The following NOVA1 variants were observed in gnomAD, a reference collection of about 807,000 sequenced individuals.
NOVA1 encodes RNA-binding protein Nova-1.
A neutral mutation model predicts 38.0 loss-of-function variants in NOVA1; 7 were observed. That is an observed-to-expected ratio of 0.18 (90% confidence interval 0.10 to 0.35). NOVA1 has a LOEUF of 0.35. NOVA1 is among the 10% of genes least tolerant of loss of function. NOVA1 has a pLI of 1.00. For synonymous variants in NOVA1, 270 were observed against 232.5 expected, an observed-to-expected ratio of 1.16 and a Z score of -1.47; for missense variants, 460 against 616.0, an observed-to-expected ratio of 0.75 and a Z score of 2.68.
chr14:26,519,405 A>G (rs1168175962), intron 2 of NOVA1: 1 of 152,170 alleles, frequency 6.6e-6, no homozygotes, highest in African/African-American at 2.4e-5. Context: ...TATGCATTAG[A>G]GAATCAACAG....
Position 26,572,758 on chromosome 14 carries a change from G to GTGTGTGTGTGTGTGTGTA in NOVA1, c.280+22651_280+22652insTACACACACACACACACA, listed in dbSNP as rs1566548665. 2.7e-4 allele frequency among the ~76,000 whole-genome samples: 40 copies of GTGTGTGTGTGTGTGTGTA among 148,700 alleles called. No homozygotes were observed. In the South Asian group the frequency reaches 8.1e-3, roughly 30 times the overall value. ...TGTGTGTGTGTGTGTGTGTGTGTGT[G>GTGTGTGTGTGTGTGTGTA]TGTGTGTATGTGTGTCTGTACGTTT... On this transcript the variant is annotated intron_variant, in intron 2 of 4. Coordinates refer to ENST00000539517, the MANE Select transcript of NOVA1 (RefSeq NM_002515.3).
At chr14:26,522,155 A>G (rs1368116488) in intron 2 of NOVA1, among the ~76,000 whole-genome samples, 3 of 152,132 alleles carry the variant, frequency 2.0e-5, no homozygotes, top group Non-Finnish European at 2.9e-5. Context: ...GCATCTATAG[A>G]ATTATAATAG....
At position 26,448,490 on chromosome 14, in the gene NOVA1, A is replaced by G. The variant is rs1377647257; in HGVS notation, c.993T>C (p.Thr331=). Residue 331 remains threonine (T), a synonymous_variant, in exon 5 of 5, where the codon ACT becomes ACC. Transcript: ENST00000539517. This position sits in a 1 kb window ranked among gnomAD's most constrained non-coding sequence, Gnocchi z 5.3. ...TLASYGYNLN[T]LGLGLSQAAA... is the part of the protein sequence containing the mutation. ...CTGCTTGACTGAGACCTAAACCTAA[A>G]GTGTTGAGATTATATCCATAGCTGG... is the stretch of plus-strand genomic sequence containing the variant. 5 of 1,613,912 alleles carry G rather than the reference A, an allele frequency of 3.1e-6. No individual in the cohort carries two copies. The highest frequency in any genetic ancestry group is 2.2e-5 in the East Asian group (1 of 44,878).
At chr14:26,491,855 G>A (rs1326457027) in intron 2 of NOVA1, among the ~76,000 whole-genome samples, 1 of 151,986 alleles carries the variant, frequency 6.6e-6, no homozygotes, top group Non-Finnish European at 1.5e-5. Flanking sequence ...AAGTTTTGAA[G>A]TCAGGAAGTG....
chr14:26,589,912 T>C (rs1296868303), intron 2 of NOVA1, among the ~76,000 whole-genome samples: 1 of 151,820 alleles, frequency 6.6e-6, no homozygotes, highest in Non-Finnish European at 1.5e-5. Context: ...AACCCAAGCA[T>C]CAGAAAGTAT....
At chr14:26,547,593 G>A (rs1890867531) in intron 2 of NOVA1, among the ~76,000 whole-genome samples, 1 of 151,944 alleles carries the variant, frequency 6.6e-6, no homozygotes, top group Middle Eastern at 3.4e-3. Context: ...TAGATACCAG[G>A]ACACACAAAG....
intron 2 of NOVA1, among the ~76,000 whole-genome samples, chr14:26,485,895 A>C (rs776596807): frequency 6.6e-6 from 1 of 152,314 alleles, no homozygotes; most frequent in South Asian, 2.1e-4. Context: ...AAAATGTAGT[A>C]GAAAATTTAT....
chr14:26,529,518 T>C (rs1029374911), intron 2 of NOVA1, among the ~76,000 whole-genome samples: 2 of 152,172 alleles, frequency 1.3e-5, no homozygotes, highest in Admixed American at 6.5e-5. Context: ...GGCTCTATCA[T>C]GATGCTCCAG....
Position 26,446,915 on chromosome 14 carries a change from CAA to C in NOVA1, c.*1042_*1043del, listed in dbSNP as rs1882125709. On this transcript the variant is annotated 3_prime_UTR_variant, in exon 5 of 5. Coordinates refer to ENST00000539517, the MANE Select transcript of NOVA1 (RefSeq NM_002515.3). ...TGCATTGGCTGCTAGCGCCATGCTG[CAA>C]AGACTCCATCATGGGAGCAAACAGC... 1 of 152,646 alleles carries C rather than the reference CAA, an allele frequency of 6.6e-6. No homozygotes were observed. The highest frequency in any genetic ancestry group is 2.4e-5 in the African/African-American group (1 of 41,450). 9.5% of individuals were successfully genotyped at this position (152,646 alleles called of 1,614,324 possible). A position where few individuals can be genotyped will look rare whatever the true frequency, so the allele number is the denominator to read the frequency against.
At chr14:26,484,947 GA>G (rs1043782753) in intron 2 of NOVA1, among the ~76,000 whole-genome samples, 4 of 144,790 alleles carry the variant, frequency 2.8e-5, no homozygotes, top group East Asian at 2.0e-4. Flanking sequence ...GACCAAACAG[GA>G]AAAAAAAAAC....
intron 2 of NOVA1, among the ~76,000 whole-genome samples, chr14:26,544,655 T>C (rs1890677863): frequency 6.6e-6 from 1 of 151,504 alleles, no homozygotes; most frequent in South Asian, 2.1e-4. Context: ...TAGTCTATTT[T>C]AAAATGCCAG....
At chr14:26,550,597 A>G (rs1181094875) in intron 2 of NOVA1, among the ~76,000 whole-genome samples, 1 of 152,178 alleles carries the variant, frequency 6.6e-6, no homozygotes, top group African/African-American at 2.4e-5. Flanking sequence ...ATCAAATTCA[A>G]TAATTATTCT....
intron 4 of NOVA1, among the ~76,000 whole-genome samples, chr14:26,461,691 G>T (rs559658785): frequency 6.6e-6 from 1 of 151,764 alleles, no homozygotes; most frequent in Admixed American, 6.6e-5. Flanking sequence ...CACTTTGGGA[G>T]GCTGAGGCGG....
intron 3 of NOVA1, among the ~76,000 whole-genome samples, chr14:26,478,242 T>A (rs927791053): frequency 2.6e-5 from 4 of 151,936 alleles, no homozygotes; most frequent in African/African-American, 9.7e-5. Flanking sequence ...TATAGCAAAT[T>A]AGAATTTTAA....
chr14:26,597,218 GGAGGGAGGGAGGACGGC>G (rs1172479302), intron 1 of NOVA1, 66 bp downstream of exon 1: 6 of 1,133,728 alleles, frequency 5.3e-6, no homozygotes, highest in Middle Eastern at 3.3e-4. Flanking sequence ...AGGGAGGGAA[GGAGGGAGGGAGGACGGC>G]GAGGGAGGGA....
At chr14:26,486,608 C>T (rs980891422) in intron 2 of NOVA1, among the ~76,000 whole-genome samples, 2 of 138,436 alleles carry the variant, frequency 1.4e-5, no homozygotes, top group Admixed American at 8.0e-5. Flanking sequence ...ACTTGGGAGG[C>T]TGAGGCAGGA....
rs1321706867 is a variant in NOVA1 at position 26,446,620 on chromosome 14, G to A, written c.*1339C>T. ...TTGGGGATGGATGCCCCTATGAGTG[G>A]CCTTGAGTGGGCAAACTCAGAGGTT... On this transcript the variant is annotated 3_prime_UTR_variant, in exon 5 of 5. Transcript: ENST00000539517. The A allele has an allele frequency of 1.3e-5, 2 of 152,782 alleles. No individual in the cohort carries two copies. The highest frequency in any genetic ancestry group is 4.8e-5 in the African/African-American group (2 of 41,446). 9.5% of individuals were successfully genotyped at this position (152,782 alleles called of 1,614,324 possible).
At chr14:26,535,807 A>C (rs1890034350) in intron 2 of NOVA1, among the ~76,000 whole-genome samples, 1 of 151,544 alleles carries the variant, frequency 6.6e-6, no homozygotes, top group Non-Finnish European at 1.5e-5. Flanking sequence ...AATACAAAAA[A>C]CAAAAACAAC....
chr14:26,593,849 T>C (rs1201544080), intron 2 of NOVA1: 1 of 151,886 alleles, frequency 6.6e-6, no homozygotes, highest in African/African-American at 2.4e-5. Flanking sequence ...CAATTTTCTG[T>C]AACATCCCTG....
Sources: allele counts gnomAD v4.1 joint callset (sites outside exome capture counted in the v4.1 genomes callset), GRCh38; gene constraint gnomAD v4.1.1; non-coding constraint Gnocchi (gnomAD v3.1); transcripts MANE v1.5; gene names NCBI Gene and HGNC (gene_info 2026-07-23, HGNC 2026-07-21).